The following PAK1 variants were observed in gnomAD, a reference collection of about 807,000 sequenced individuals.
The protein encoded by PAK1 is serine/threonine-protein kinase PAK 1.
A neutral mutation model predicts 67.4 loss-of-function variants in PAK1; 29 were observed. That is an observed-to-expected ratio of 0.43 (90% CI 0.32 to 0.59). The LOEUF (loss-of-function observed/expected upper bound fraction) is 0.59. Ranked by LOEUF, PAK1 falls within the 20% of genes least tolerant of loss-of-function variation. The pLI is 0.07. For synonymous variants in PAK1, 223 were observed against 237.4 expected (o/e 0.94, Z 0.56); for missense variants, 337 against 670.7 (o/e 0.50, Z 5.50).
intron 13 of PAK1, among the ~76,000 whole-genome samples, chr11:77,335,036 G>A (rs1213298806): frequency 2.6e-4 from 40 of 151,704 alleles, no homozygotes; most frequent in Admixed American, 2.6e-3. Context: ...CTCCTCCTTC[G>A]GGAAGCACAC....
At chr11:77,487,850 G>A in the PAK1 span, among the ~76,000 whole-genome samples, 1 of 152,182 alleles carries the variant, frequency 6.6e-6, no homozygotes, top group Admixed American at 6.5e-5. Context: ...CCTGGAGTCA[G>A]GGGAACTCAC....
intron 5 of PAK1, among the ~76,000 whole-genome samples, chr11:77,372,133 G>A (rs544304700): frequency 2.0e-5 from 3 of 152,270 alleles, no homozygotes; most frequent in Admixed American, 6.5e-5. Flanking sequence ...ACCGTGCATC[G>A]CAGGCACTCA....
intron 11 of PAK1, among the ~76,000 whole-genome samples, chr11:77,339,281 C>T (rs1240899537): frequency 6.6e-6 from 1 of 151,870 alleles, no homozygotes; most frequent in Non-Finnish European, 1.5e-5. Context: ...TATACATATG[C>T]ATGTATTCTC....
intron 1 of PAK1, among the ~76,000 whole-genome samples, chr11:77,402,178 C>T (rs769532066): frequency 1.3e-5 from 2 of 152,188 alleles, no homozygotes; most frequent in Non-Finnish European, 1.5e-5. Flanking sequence ...TCTCTTTCTA[C>T]ACTAATTACG....
the PAK1 span, among the ~76,000 whole-genome samples, chr11:77,513,308 A>G: frequency 2.0e-5 from 3 of 152,180 alleles, no homozygotes. Flanking sequence ...GTATACAGGT[A>G]TATCTTAGTT....
chr11:77,394,323 G>A (rs980122606), intron 1 of PAK1, among the ~76,000 whole-genome samples: 2 of 152,134 alleles, frequency 1.3e-5, no homozygotes, highest in Admixed American at 6.5e-5. Flanking sequence ...TAGAACGGCT[G>A]AGTTAAGACC....
chr11:77,510,260 T>A, the PAK1 span, among the ~76,000 whole-genome samples: 94 of 152,352 alleles, frequency 6.2e-4, no homozygotes, highest in African/African-American at 2.2e-3. Flanking sequence ...CTAAAGCCAA[T>A]GTAAATATTA....
At chr11:77,328,895 A>G (rs1387289973) in intron 14 of PAK1, among the ~76,000 whole-genome samples, 1 of 152,182 alleles carries the variant, frequency 6.6e-6, no homozygotes, top group Non-Finnish European at 1.5e-5. Context: ...AGCAAGACTA[A>G]TAAAGAAGAA....
chr11:77,370,012 G>A (rs1948209219), intron 5 of PAK1, among the ~76,000 whole-genome samples: 1 of 152,190 alleles, frequency 6.6e-6, no homozygotes, highest in Admixed American at 6.5e-5. Context: ...GGATAGATTA[G>A]TGTATGTAAT....
chr11:77,442,609 C>T (rs1395111181), intron 1 of PAK1, among the ~76,000 whole-genome samples: 1 of 152,144 alleles, frequency 6.6e-6, no homozygotes, highest in Non-Finnish European at 1.5e-5. Context: ...GGCTGTAACC[C>T]CATTACAGAC....
intron 4 of PAK1, among the ~76,000 whole-genome samples, chr11:77,376,006 A>G (rs1248929170): frequency 6.6e-6 from 1 of 152,222 alleles, no homozygotes; most frequent in Non-Finnish European, 1.5e-5. Context: ...AGCTAGCAGT[A>G]TTCTGGAGAA....
chr11:77,339,138 C>T (rs1056010339), intron 11 of PAK1, among the ~76,000 whole-genome samples: 1 of 151,982 alleles, frequency 6.6e-6, no homozygotes, highest in Non-Finnish European at 1.5e-5. Flanking sequence ...AATAGTAATA[C>T]CATCTATTAT....
chr11:77,408,720 T>C (rs2844334), intron 1 of PAK1, among the ~76,000 whole-genome samples: 37,311 of 152,094 alleles, frequency 0.25, 5,669 homozygotes, highest in South Asian at 0.45. Flanking sequence ...GAGAAAATAT[T>C]TGTAAGCTAT....
rs116184292 is a variant in PAK1 at position 77,456,635 on chromosome 11, T to C, written c.-22+16917A>G. 3.1e-3 allele frequency among the ~76,000 whole-genome samples: 469 copies of C among 152,358 alleles called. 4 individuals carry two copies. The highest frequency in any genetic ancestry group is 0.011 in the African/African-American group (438 of 41,586). On this transcript the variant is annotated intron_variant, in intron 1 of 14. Transcript: ENST00000356341. ...CTGTAATGATAATGATAGCCGACAT[T>C]TGTTAAGGACTTCTTATGTGCCAAA...
At chr11:77,457,837 G>T (rs1392826121) in intron 1 of PAK1, among the ~76,000 whole-genome samples, 1 of 152,174 alleles carries the variant, frequency 6.6e-6, no homozygotes, top group African/African-American at 2.4e-5. Flanking sequence ...TTTCCTTTTG[G>T]TCTTAACAAA....
At chr11:77,379,454 A>G (rs528397187) in intron 3 of PAK1, 66 bp from the exon 4 acceptor site, 40 of 1,504,608 alleles carry the variant, frequency 2.7e-5, no homozygotes, top group Non-Finnish European at 3.3e-5. Flanking sequence ...AGAACATCAG[A>G]GCTAACTTTG....
the PAK1 span, among the ~76,000 whole-genome samples, chr11:77,500,307 A>G: frequency 1.3e-5 from 2 of 152,056 alleles, no homozygotes; most frequent in Admixed American, 1.3e-4. Context: ...TCTCTACTAA[A>G]AATACAAAAA....
intron 1 of PAK1, among the ~76,000 whole-genome samples, chr11:77,462,952 G>C (rs1243300905): frequency 7.1e-6 from 1 of 140,294 alleles, no homozygotes; most frequent in African/African-American, 2.7e-5. Flanking sequence ...TTAGGCACTG[G>C]GGGATACAAC....
intron 1 of PAK1, among the ~76,000 whole-genome samples, chr11:77,413,755 G>A (rs1954792680): frequency 6.6e-6 from 1 of 152,000 alleles, no homozygotes; most frequent in African/African-American, 2.4e-5. Context: ...GAAAGAATTG[G>A]TCAATAATAG....
Sources: gnomAD v4.1 joint callset for allele counts (sites outside exome capture counted in the v4.1 genomes callset) on GRCh38, gnomAD v4.1.1 for gene constraint, MANE v1.5 for transcripts, NCBI Gene and HGNC (gene_info 2026-07-23, HGNC 2026-07-21) for gene names.